MAP3K3: variants seen among roughly 807,000 people sequenced by gnomAD.
The protein encoded by MAP3K3 is mitogen-activated protein kinase kinase kinase 3.
MAP3K3 carries 12 observed loss-of-function variants against 80.9 expected under a neutral mutation model. The ratio of observed to expected loss-of-function variants is 0.15; its 90% CI spans 0.10 to 0.24. MAP3K3 has a LOEUF of 0.24. Among genes scored for constraint, MAP3K3 ranks in the 10% least tolerant of loss-of-function variants. The probability of loss-of-function intolerance (pLI) is 1.00; values close to 1 mark genes in which losing one functional copy is unlikely to be tolerated. For missense variants in MAP3K3, 596 were observed against 834.7 expected (o/e 0.71, Z 3.52); for synonymous variants, 272 against 307.1 (o/e 0.89, Z 1.19).
At chr17:63,654,284 C>T (rs1156438234) in intron 4 of MAP3K3, among the ~76,000 whole-genome samples, 6 of 104,972 alleles carry the variant, frequency 5.7e-5, no homozygotes, top group African/African-American at 2.4e-4. Flanking sequence ...TTGGATTTAC[C>T]TATTCTGAAC....
intron 2 of MAP3K3, among the ~76,000 whole-genome samples, chr17:63,645,444 G>A (rs1323972172): frequency 6.6e-6 from 1 of 152,226 alleles, no homozygotes; most frequent in Non-Finnish European, 1.5e-5. Context: ...GGAGGGTTTT[G>A]GGAAATCAAT....
At chr17:63,673,882 C>G (rs1031969967) in intron 6 of MAP3K3, among the ~76,000 whole-genome samples, 2 of 151,986 alleles carry the variant, frequency 1.3e-5, no homozygotes, top group African/African-American at 4.8e-5. Flanking sequence ...TGCACTCTAG[C>G]CTGGACAGAC....
In MAP3K3 at chr17:63,667,083, C is replaced by G. The variant is rs773625164; in HGVS notation, c.502+23C>G. 3 of 1,561,854 alleles carry G rather than the reference C, an allele frequency of 1.9e-6. No homozygotes were observed. In the East Asian group the frequency reaches 6.9e-5, roughly 36 times the overall value. ...TCAGTGAGTATTTCAACCCTTTTTTCTCCCCCTCTATTTTATCTGCCCACA... is the reference window on the plus strand; with the variant it reads ...TCAGTGAGTATTTCAACCCTTTTTTGTCCCCCTCTATTTTATCTGCCCACA... On this transcript the variant is annotated intron_variant, in intron 6 of 15. Transcript: ENST00000361733.
chr17:63,693,795 G>A lies in MAP3K3; in HGVS notation c.*18G>A, dbSNP rs971177100. 1.3e-6 allele frequency: 2 copies of A among 1,585,064 alleles called. No homozygotes were observed. The highest frequency in any genetic ancestry group is 2.3e-5 in the South Asian group (2 of 87,854). ...TGTACTGAGCTCTCACGGCCACACAGCTGCCGGTCGCCCTTTGCTGCATGG... is the reference window on the plus strand; with the variant it reads ...TGTACTGAGCTCTCACGGCCACACAACTGCCGGTCGCCCTTTGCTGCATGG... On this transcript the variant is annotated 3_prime_UTR_variant, in exon 16 of 16. Coordinates refer to ENST00000361733, the MANE Select transcript of MAP3K3 (RefSeq NM_002401.5). The surrounding 1 kb of genome is among the most constrained non-coding windows in gnomAD (Gnocchi z 4.2).
chr17:63,679,894 A>G (rs1410615166), intron 6 of MAP3K3, among the ~76,000 whole-genome samples: 1 of 152,224 alleles, frequency 6.6e-6, no homozygotes, highest in African/African-American at 2.4e-5. Flanking sequence ...GGTCTGGACT[A>G]GGGATCTATC....
chr17:63,632,678 C>T lies in MAP3K3; in HGVS notation c.5-3C>T. On this transcript the variant is annotated splice_polypyrimidine_tract_variant and splice_region_variant and intron_variant, in intron 1 of 15. Transcript: ENST00000361733. Reference sequence around the variant, plus strand: ...TTAGTCCATGTGCTCTCTTTCATTGCAGACGAACAGGAGGCATTGAACTCA... The same window carrying T: ...TTAGTCCATGTGCTCTCTTTCATTGTAGACGAACAGGAGGCATTGAACTCA... 6.2e-7 allele frequency: 1 copy of T among 1,613,766 alleles called. No individual in the cohort carries two copies. Among genetic ancestry groups the T allele is most frequent in the Non-Finnish European group, 8.5e-7 (1 of 1,179,898 alleles).
intron 5 of MAP3K3, 129 bp from the exon 6 acceptor site, chr17:63,666,811 G>A: frequency 1.1e-6 from 1 of 936,950 alleles, no homozygotes; most frequent in Non-Finnish European, 1.6e-6. Context: ...GGGGAAAGCT[G>A]GGTAGCTCAT....
At chr17:63,657,692 CA>C in intron 4 of MAP3K3, 101 bp from the exon 5 acceptor site, 1 of 542,376 alleles carries the variant, frequency 1.8e-6, no homozygotes, top group Middle Eastern at 3.0e-4. Flanking sequence ...TGTTTTCCTC[CA>C]AATGTATTTT....
At chr17:63,684,468 G>A (rs1261237683) in intron 7 of MAP3K3, among the ~76,000 whole-genome samples, 1 of 152,048 alleles carries the variant, frequency 6.6e-6, no homozygotes, top group East Asian at 1.9e-4. Context: ...CAATTAATTT[G>A]CCTTGATTGG....
intron 1 of MAP3K3, among the ~76,000 whole-genome samples, chr17:63,623,266 T>C (rs1054403624): frequency 8.5e-5 from 13 of 152,282 alleles, no homozygotes; most frequent in Admixed American, 6.5e-4. Flanking sequence ...TCTCCAGCCC[T>C]GTGCGCGCCC....
chr17:63,640,266 G>A (rs1447017064), intron 2 of MAP3K3, among the ~76,000 whole-genome samples: 1 of 152,170 alleles, frequency 6.6e-6, no homozygotes, highest in African/African-American at 2.4e-5. Flanking sequence ...ACTCCAGCCT[G>A]GGCAACATAG....
At chr17:63,677,063 C>T (rs184727672) in intron 6 of MAP3K3, among the ~76,000 whole-genome samples, 296 of 152,304 alleles carry the variant, frequency 1.9e-3, no homozygotes, top group Admixed American at 0.011. Flanking sequence ...TGGGATTCTA[C>T]GGAGTTCCTA....
At chr17:63,681,717 G>C in intron 6 of MAP3K3, 49 bp from the exon 7 acceptor site, 4 of 1,361,420 alleles carry the variant, frequency 2.9e-6, no homozygotes, top group Non-Finnish European at 3.8e-6. Flanking sequence ...CTCCTCTTGG[G>C]CCACACACCC....
rs540571947 is a variant in MAP3K3 at position 63,630,985 on chromosome 17, G to A, written c.5-1696G>A. 2.6e-5 allele frequency among the ~76,000 whole-genome samples: 4 copies of A among 152,156 alleles called. No homozygotes were observed. The South Asian group carries it at 8.3e-4, about 32-fold the overall frequency. On this transcript the variant is annotated intron_variant, in intron 1 of 15. Transcript: ENST00000361733. ...GAGCAGATTTCGTCTAGGAAGAGGGGAGAGGCAAATAAGGTGAGGGGCCAG... is the reference window on the plus strand; with the variant it reads ...GAGCAGATTTCGTCTAGGAAGAGGGAAGAGGCAAATAAGGTGAGGGGCCAG...
chr17:63,652,729 C>G (rs2034683867), intron 4 of MAP3K3, 73 bp downstream of exon 4: 2 of 991,066 alleles, frequency 2.0e-6, no homozygotes, highest in South Asian at 1.4e-5. Flanking sequence ...TTTACCAGAG[C>G]CTTTAAAGTT....
rs577384322 is a variant in MAP3K3, at chr17:63,691,788, G to A, written c.1400G>A (p.Arg467Gln). 5.0e-6 allele frequency: 8 copies of A among 1,614,106 alleles called. No individual in the cohort carries two copies. Among genetic ancestry groups the A allele is most frequent in the South Asian group, 2.2e-5 (2 of 91,078 alleles). ...AYGALTESVT[R>Q]KYTRQILEGM... is the part of the protein sequence containing the mutation. ...GGTGCTCTGACAGAGAGCGTGACCC[G>A]AAAGTACACGCGGCAGATCCTGGAG... Residue 467 changes from arginine (R) to glutamine (Q), a missense_variant, in exon 14 of 16, where the codon CGA becomes CAA. Transcript: ENST00000361733. This position sits in a 1 kb window ranked among gnomAD's most constrained non-coding sequence, Gnocchi z 4.8.
chr17:63,687,966 G>A (rs1018968147), intron 8 of MAP3K3, among the ~76,000 whole-genome samples: 13 of 152,022 alleles, frequency 8.6e-5, no homozygotes, highest in African/African-American at 3.1e-4. Flanking sequence ...TGTCTTCCTA[G>A]CTTTATCTTT....
chr17:63,666,873 G>A, intron 5 of MAP3K3, 67 bp from the exon 6 acceptor site: 1 of 1,587,810 alleles, frequency 6.3e-7, no homozygotes. Context: ...TAGGAAAAGG[G>A]TGAGAAGACC....
chr17:63,622,989 C>T (rs2034023253), intron 1 of MAP3K3, among the ~76,000 whole-genome samples: 1 of 149,226 alleles, frequency 6.7e-6, no homozygotes, highest in African/African-American at 2.4e-5. Flanking sequence ...CGCTCGGCAG[C>T]CCTCCTTCTG....
Sources: gnomAD v4.1 joint callset for allele counts (sites outside exome capture counted in the v4.1 genomes callset) on GRCh38, gnomAD v4.1.1 for gene constraint, Gnocchi (gnomAD v3.1) non-coding constraint, MANE v1.5 for transcripts, NCBI Gene and HGNC (gene_info 2026-07-23, HGNC 2026-07-21) for gene names.